The following LRFN2 variants were observed in gnomAD, a reference collection of about 807,000 sequenced individuals.
LRFN2 encodes leucine rich repeat and fibronectin type III domain containing 2, also known as leucine-rich repeat and fibronectin type-III domain-containing protein 2.
A neutral mutation model predicts 37.3 loss-of-function variants in LRFN2; 18 were observed. That is an observed-to-expected ratio of 0.48 (90% CI 0.33 to 0.72). The LOEUF is 0.72. Ranked by LOEUF, LRFN2 falls within the 30% of genes least tolerant of loss-of-function variation. The pLI, the probability that LRFN2 is intolerant of heterozygous loss-of-function variation, is 0.02. For missense variants in LRFN2, 1,006 were observed against 1,060.7 expected (o/e 0.95, Z 0.72); for synonymous variants, 556 against 466.6 (o/e 1.19, Z -2.47).
chr6:40,559,885 G>A (rs1176818684), intron 1 of LRFN2, among the ~76,000 whole-genome samples: 1 of 152,134 alleles, frequency 6.6e-6, no homozygotes, highest in African/African-American at 2.4e-5. Context: ...TCATGTGGGA[G>A]CAGCTGGTAA....
chr6:40,557,180 C>T (rs887394897), intron 1 of LRFN2, among the ~76,000 whole-genome samples: 2 of 152,122 alleles, frequency 1.3e-5, no homozygotes, highest in Admixed American at 6.5e-5. Flanking sequence ...CTCACTCACC[C>T]GAGGCGAGGT....
At chr6:40,411,886 G>A (rs1420721596) in intron 2 of LRFN2, among the ~76,000 whole-genome samples, 1 of 152,016 alleles carries the variant, frequency 6.6e-6, no homozygotes, top group African/African-American at 2.4e-5. Context: ...CCTGTTGCCC[G>A]TTTTCCTCTC....
chr6:40,425,621 C>G (rs1763334440), intron 2 of LRFN2, among the ~76,000 whole-genome samples: 1 of 152,178 alleles, frequency 6.6e-6, no homozygotes, highest in Non-Finnish European at 1.5e-5. Context: ...GTGCCAGCCC[C>G]TTCCTGACAG....
chr6:40,431,280 T>C (rs1038513387), intron 2 of LRFN2, among the ~76,000 whole-genome samples: 2 of 152,214 alleles, frequency 1.3e-5, no homozygotes, highest in African/African-American at 4.8e-5. Context: ...TCTCACTCTT[T>C]CTGACCTCAG....
chr6:40,494,536 C>A (rs567460769), intron 1 of LRFN2, among the ~76,000 whole-genome samples: 1 of 152,162 alleles, frequency 6.6e-6, no homozygotes, highest in African/African-American at 2.4e-5. Flanking sequence ...AGGCACTTGG[C>A]TCCCTGTCTC....
At chr6:40,521,971 AAG>A (rs1766086623) in intron 1 of LRFN2, among the ~76,000 whole-genome samples, 1 of 152,200 alleles carries the variant, frequency 6.6e-6, no homozygotes, top group Non-Finnish European at 1.5e-5. Context: ...GGGCTGGCTG[AAG>A]AGTTTCTCAA....
In LRFN2 at chr6:40,578,558, T is replaced by C. The variant is rs116712296; in HGVS notation, c.-19+8383A>G. Among the ~76,000 whole-genome samples, 401 of 152,274 alleles carry C rather than the reference T, an allele frequency of 2.6e-3. 3 individuals carry two copies. The highest frequency in any genetic ancestry group is 9.2e-3 in the African/African-American group (384 of 41,552). On this transcript the variant is annotated intron_variant, in intron 1 of 2. Coordinates refer to ENST00000338305, the MANE Select transcript of LRFN2 (RefSeq NM_020737.3). ...GAGATCATGTGGAGATTCCCCAAATTAATGTCTAACTTAAGAGATGGTTGT... is the reference window on the plus strand; with the variant it reads ...GAGATCATGTGGAGATTCCCCAAATCAATGTCTAACTTAAGAGATGGTTGT...
At chr6:40,428,166 G>A (rs1021645661) in intron 2 of LRFN2, among the ~76,000 whole-genome samples, 3 of 152,220 alleles carry the variant, frequency 2.0e-5, no homozygotes, top group Non-Finnish European at 2.9e-5. Context: ...ATCAATGCAG[G>A]TGTGTACTAT....
At chr6:40,517,154 A>C (rs1765902670) in intron 1 of LRFN2, 1 of 152,196 alleles carries the variant, frequency 6.6e-6, no homozygotes, top group Admixed American at 6.5e-5. Flanking sequence ...TAGCTGCAGT[A>C]CGTTCCCCAC....
intron 1 of LRFN2, among the ~76,000 whole-genome samples, chr6:40,559,308 T>C (rs1766949979): frequency 6.6e-6 from 1 of 152,178 alleles, no homozygotes; most frequent in Non-Finnish European, 1.5e-5. Flanking sequence ...ATTACCACAC[T>C]GAGATACTCA....
At chr6:40,574,334 T>C (rs1033482) in intron 1 of LRFN2, among the ~76,000 whole-genome samples, 96,419 of 152,048 alleles carry the variant, frequency 0.63, 31,238 homozygotes, top group African/African-American at 0.72. Context: ...GTGACTTGCA[T>C]GAGGGTACAC....
At chr6:40,518,488 C>T (rs1175262879) in intron 1 of LRFN2, among the ~76,000 whole-genome samples, 2 of 152,142 alleles carry the variant, frequency 1.3e-5, no homozygotes, top group Non-Finnish European at 2.9e-5. Flanking sequence ...TGCTCACCTC[C>T]TATGCTGCTC....
At chr6:40,534,137 C>T (rs746393095) in intron 1 of LRFN2, among the ~76,000 whole-genome samples, 5 of 152,214 alleles carry the variant, frequency 3.3e-5, no homozygotes, top group Non-Finnish European at 5.9e-5. Flanking sequence ...AGCCTGTTCT[C>T]TGAACCACTT....
chr6:40,527,317 G>T (rs535450076), intron 1 of LRFN2, among the ~76,000 whole-genome samples: 8 of 152,314 alleles, frequency 5.3e-5, no homozygotes, highest in African/African-American at 1.9e-4. Flanking sequence ...AAAGGGACAA[G>T]GCAAGGACTA....
At chr6:40,538,792 T>TA (rs150218885) in intron 1 of LRFN2, among the ~76,000 whole-genome samples, 4,416 of 152,342 alleles carry the variant, frequency 0.029, 234 homozygotes, top group African/African-American at 0.1. Flanking sequence ...GGACTGGGGC[T>TA]GGGGGGAAGG....
rs440054 is a variant in LRFN2, at chr6:40,524,369, T to A, written c.-19+62572A>T. Among the ~76,000 whole-genome samples, 7 of 145,492 alleles carry A rather than the reference T, an allele frequency of 4.8e-5. No individual in the cohort carries two copies. The Admixed American group carries it at 4.8e-4, about 10-fold the overall frequency. On this transcript the variant is annotated intron_variant, in intron 1 of 2. Transcript: ENST00000338305. ...GAAGGTCAGCCACCTCCCCCTACCCTGACTTACTGCTTCCCCACCCCCGAC... is the reference window on the plus strand; with the variant it reads ...GAAGGTCAGCCACCTCCCCCTACCCAGACTTACTGCTTCCCCACCCCCGAC...
intron 2 of LRFN2, among the ~76,000 whole-genome samples, chr6:40,405,725 C>A (rs1762831637): frequency 6.6e-6 from 1 of 152,136 alleles, no homozygotes; most frequent in African/African-American, 2.4e-5. Context: ...GGTCCCCCCT[C>A]CAACCCCCCA....
At chr6:40,420,238 C>T (rs191218434) in intron 2 of LRFN2, among the ~76,000 whole-genome samples, 1 of 152,316 alleles carries the variant, frequency 6.6e-6, no homozygotes, top group Non-Finnish European at 1.5e-5. Context: ...CCCATCGCGT[C>T]CTGTGGTTTT....
chr6:40,506,662 T>A (rs1765550903), intron 1 of LRFN2, among the ~76,000 whole-genome samples: 1 of 152,090 alleles, frequency 6.6e-6, no homozygotes, highest in South Asian at 2.1e-4. Context: ...TTTGCCCCCG[T>A]TGTTAAGCCT....
Sources: allele counts gnomAD v4.1 joint callset (sites outside exome capture counted in the v4.1 genomes callset), GRCh38; gene constraint gnomAD v4.1.1; transcripts MANE v1.5; gene names NCBI Gene and HGNC (gene_info 2026-07-23, HGNC 2026-07-21).